Variants in TOX2 observed in about 807,000 individuals in gnomAD.
TOX2 encodes the protein TOX high mobility group box family member 2.
TOX2 carries 15 observed loss-of-function variants against 47.4 expected under a neutral mutation model. That is an observed-to-expected ratio of 0.32 (90% CI 0.21 to 0.49). The LOEUF (loss-of-function observed/expected upper bound fraction) is 0.49. Ranked by LOEUF, TOX2 falls within the 20% of genes least tolerant of loss-of-function variation. The pLI is 0.99. For synonymous variants in TOX2, 290 were observed against 296.6 expected (o/e 0.98, Z 0.23); for missense variants, 622 against 673.1 (o/e 0.92, Z 0.84).
chr20:44,027,621 G>A (rs1304163773), intron 3 of TOX2, among the ~76,000 whole-genome samples: 1 of 152,230 alleles, frequency 6.6e-6, no homozygotes, highest in Non-Finnish European at 1.5e-5. Context: ...CCTTAATTGA[G>A]GAGGCCCAGA....
chr20:44,000,046 C>T (rs1244861859), intron 2 of TOX2, among the ~76,000 whole-genome samples: 4 of 152,164 alleles, frequency 2.6e-5, no homozygotes, highest in African/African-American at 9.7e-5. Context: ...GGGGCAGAAA[C>T]GTGCCTGGAG....
chr20:43,938,936 G>C (rs948570982), intron 1 of TOX2, among the ~76,000 whole-genome samples: 12 of 152,222 alleles, frequency 7.9e-5, no homozygotes, highest in Admixed American at 6.5e-5. Context: ...TCCTTGTGCA[G>C]CTCTGGCAGG....
chr20:43,917,756 G>A (rs549597243), intron 1 of TOX2, among the ~76,000 whole-genome samples: 3 of 152,094 alleles, frequency 2.0e-5, no homozygotes, highest in South Asian at 4.2e-4. Flanking sequence ...AAGCTGTTAT[G>A]GTTTTATTTT....
intron 3 of TOX2, among the ~76,000 whole-genome samples, chr20:44,016,010 C>A (rs920007350): frequency 6.6e-6 from 1 of 152,082 alleles, no homozygotes; most frequent in African/African-American, 2.4e-5. Flanking sequence ...GTTTTCCCTA[C>A]AAGAAAGGTC....
At chr20:44,068,553 CA>C (rs2071876463) in intron 8 of TOX2, 96 bp from the exon 9 acceptor site, 1 of 1,351,370 alleles carries the variant, frequency 7.4e-7, no homozygotes, top group African/African-American at 1.8e-5. Context: ...CAGCTGAATC[CA>C]GGGGTGGGGG....
At chr20:43,917,642 C>G (rs6017216) in intron 1 of TOX2, among the ~76,000 whole-genome samples, 2 of 152,274 alleles carry the variant, frequency 1.3e-5, no homozygotes, top group South Asian at 2.1e-4. Context: ...CGACTGTCCC[C>G]TTAGCGATCC....
At chr20:44,012,604 G>C (rs550629303) in intron 3 of TOX2, among the ~76,000 whole-genome samples, 1 of 152,254 alleles carries the variant, frequency 6.6e-6, no homozygotes, top group African/African-American at 2.4e-5. Context: ...ACTCCTGTTT[G>C]CTATCTTTGG....
intron 2 of TOX2, among the ~76,000 whole-genome samples, chr20:44,004,687 A>G (rs116354644): frequency 0.012 from 1,805 of 152,302 alleles, 35 homozygotes; most frequent in African/African-American, 0.041. Flanking sequence ...ACACCCAGCT[A>G]TCCCCGCTGC....
intron 3 of TOX2, among the ~76,000 whole-genome samples, chr20:44,029,299 G>A (rs543117038): frequency 5.9e-5 from 9 of 152,204 alleles, no homozygotes; most frequent in South Asian, 2.1e-4. Flanking sequence ...GACCTGCTTG[G>A]TGATAACAAG....
At chr20:43,919,633 G>A (rs938635296) in intron 1 of TOX2, among the ~76,000 whole-genome samples, 8 of 152,198 alleles carry the variant, frequency 5.3e-5, no homozygotes, top group South Asian at 4.2e-4. Flanking sequence ...GTTAAGCCCC[G>A]CATGCATTAG....
At chr20:43,933,506 G>A (rs769835795) in intron 1 of TOX2, among the ~76,000 whole-genome samples, 1 of 151,648 alleles carries the variant, frequency 6.6e-6, no homozygotes, top group Non-Finnish European at 1.5e-5. Context: ...TGCTCAGGGG[G>A]CCATGCTTTG....
At chr20:44,067,745 A>C (rs2071855194) in intron 8 of TOX2, among the ~76,000 whole-genome samples, 1 of 152,120 alleles carries the variant, frequency 6.6e-6, no homozygotes, top group Non-Finnish European at 1.5e-5. Flanking sequence ...CAACAACCGC[A>C]GCCAGCAGGA....
At chr20:43,950,765 T>C (rs2069548405) in intron 1 of TOX2, among the ~76,000 whole-genome samples, 1 of 152,124 alleles carries the variant, frequency 6.6e-6, no homozygotes, top group Non-Finnish European at 1.5e-5. Context: ...TCTTTCCATA[T>C]ACCATGTAAG....
intron 1 of TOX2, among the ~76,000 whole-genome samples, chr20:43,964,096 T>TA (rs777776155): frequency 0.011 from 1,493 of 141,284 alleles, 17 homozygotes; most frequent in African/African-American, 0.03. Context: ...TAATGTAGTT[T>TA]AAAAAAAAAA....
chr20:44,044,665 G>C (rs540559240), intron 3 of TOX2, among the ~76,000 whole-genome samples: 1 of 152,306 alleles, frequency 6.6e-6, no homozygotes, highest in Admixed American at 6.5e-5. Context: ...CGGAACCCTT[G>C]TGTGTTGCTG....
At chr20:43,926,051 G>C (rs915721899) in intron 1 of TOX2, among the ~76,000 whole-genome samples, 1 of 152,142 alleles carries the variant, frequency 6.6e-6, no homozygotes, top group Non-Finnish European at 1.5e-5. Flanking sequence ...TTCGAAGCTG[G>C]GCCTGATTTG....
intron 3 of TOX2, chr20:44,039,204 G>C (rs1382795665): frequency 1.6e-6 from 2 of 1,284,260 alleles, no homozygotes; most frequent in Non-Finnish European, 2.0e-6. Context: ...GAGAGGGAAG[G>C]CTTCTCTGAG....
At chr20:43,933,527 C>A (rs560028958) in intron 1 of TOX2, among the ~76,000 whole-genome samples, 1 of 152,164 alleles carries the variant, frequency 6.6e-6, no homozygotes, top group Non-Finnish European at 1.5e-5. Flanking sequence ...AGAATCAAGG[C>A]GCTTGTGTTA....
intron 1 of TOX2, among the ~76,000 whole-genome samples, chr20:43,969,770 G>A (rs1182932829): frequency 6.6e-6 from 1 of 152,242 alleles, no homozygotes; most frequent in Non-Finnish European, 1.5e-5. Flanking sequence ...CTCAGGCCCT[G>A]CCTCGGGAAC....
Sources: gnomAD v4.1 joint callset for allele counts (sites outside exome capture counted in the v4.1 genomes callset) on GRCh38, gnomAD v4.1.1 for gene constraint, MANE v1.5 for transcripts, NCBI Gene and HGNC (gene_info 2026-07-23, HGNC 2026-07-21) for gene names.